Variants in RBMS3 observed in about 807,000 individuals in gnomAD.
The protein encoded by RBMS3 is RNA-binding motif, single-stranded-interacting protein 3.
In RBMS3, 27 loss-of-function variants were observed where a neutral mutation model predicts 66.8. The observed-to-expected ratio is 0.40, with a 90% CI of 0.30 to 0.56. The LOEUF is 0.56. Among genes scored for constraint, RBMS3 ranks in the 20% least tolerant of loss-of-function variants. RBMS3 has a pLI of 0.40. For synonymous variants in RBMS3, 188 were observed against 183.0 expected (o/e 1.03, Z -0.22); for missense variants, 513 against 549.5 (o/e 0.93, Z 0.66).
chr3:29,657,525 C>CT (rs1481358163), intron 4 of RBMS3, among the ~76,000 whole-genome samples: 2 of 152,180 alleles, frequency 1.3e-5, no homozygotes, highest in Non-Finnish European at 2.9e-5. Context: ...CTGTGACTGT[C>CT]TGTGATTTCC....
At chr3:29,655,757 A>C (rs1456525716) in intron 4 of RBMS3, among the ~76,000 whole-genome samples, 5 of 152,198 alleles carry the variant, frequency 3.3e-5, no homozygotes, top group Non-Finnish European at 7.3e-5. Flanking sequence ...AACCTCAGGC[A>C]GGTCCTTCAT....
chr3:29,739,848 T>C lies in RBMS3; in HGVS notation c.528T>C (p.Asn176=), dbSNP rs2054557286. ...VISTRILRDA[N]GVSRGVGFAR... ...CCACAAGAATACTAAGAGACGCTAA[T>C]GGAGTCAGCAGAGGTGTTGGCTTTG... The change falls in exon 5 of 15, where the codon AAT becomes AAC. Residue 176 remains asparagine (N), a synonymous_variant. Transcript: ENST00000383767. The C allele has an allele frequency of 6.2e-7, 1 of 1,610,224 alleles. No individual in the cohort carries two copies. The highest frequency in any genetic ancestry group is 1.1e-5 in the South Asian group (1 of 90,298).
At chr3:29,654,704 C>G (rs1336753900) in intron 4 of RBMS3, among the ~76,000 whole-genome samples, 2 of 151,644 alleles carry the variant, frequency 1.3e-5, no homozygotes, top group Non-Finnish European at 2.9e-5. Flanking sequence ...GATTCTCTCA[C>G]CTCAGCCACT....
At chr3:29,842,407 T>C (rs1257110786) in intron 6 of RBMS3, among the ~76,000 whole-genome samples, 1 of 152,120 alleles carries the variant, frequency 6.6e-6, no homozygotes, top group African/African-American at 2.4e-5. Flanking sequence ...ATGTAACTAA[T>C]TTGAGCTCAC....
intron 1 of RBMS3, among the ~76,000 whole-genome samples, chr3:29,359,558 C>T (rs183418909): frequency 1.3e-5 from 2 of 152,254 alleles, no homozygotes; most frequent in Admixed American, 1.3e-4. Flanking sequence ...ATGCTGGCCT[C>T]ATAAAGTGAG....
At chr3:29,610,553 A>T (rs1319127944) in intron 4 of RBMS3, among the ~76,000 whole-genome samples, 1 of 152,054 alleles carries the variant, frequency 6.6e-6, no homozygotes, top group Non-Finnish European at 1.5e-5. Flanking sequence ...AGCCTGTCAA[A>T]GGCCTTAAAG....
chr3:29,866,773 G>C (rs2059373613), intron 6 of RBMS3, among the ~76,000 whole-genome samples: 1 of 152,124 alleles, frequency 6.6e-6, no homozygotes, highest in African/African-American at 2.4e-5. Context: ...TAACATAAAG[G>C]CAGTGACTAT....
intron 3 of RBMS3, among the ~76,000 whole-genome samples, chr3:29,497,929 A>C (rs546805387): frequency 7.4e-4 from 111 of 149,054 alleles, no homozygotes; most frequent in Non-Finnish European, 1.1e-3. Flanking sequence ...TACCAAAGAC[A>C]TACAGATGCA....
intron 3 of RBMS3, among the ~76,000 whole-genome samples, chr3:29,532,531 C>T (rs2045405839): frequency 6.6e-6 from 1 of 151,644 alleles, no homozygotes; most frequent in African/African-American, 2.4e-5. Context: ...CAAGACCAGC[C>T]TGCAAAACAT....
At chr3:29,463,832 A>G (rs772658192) in intron 2 of RBMS3, among the ~76,000 whole-genome samples, 1 of 152,136 alleles carries the variant, frequency 6.6e-6, no homozygotes. Context: ...ATACTACATT[A>G]AACTATCTTG....
chr3:29,707,361 T>C (rs1224974110), intron 4 of RBMS3, among the ~76,000 whole-genome samples: 2 of 152,246 alleles, frequency 1.3e-5, no homozygotes, highest in Non-Finnish European at 2.9e-5. Flanking sequence ...ACATTCATCG[T>C]TATAGCTAGA....
chr3:29,948,465 T>G (rs1274365137), intron 12 of RBMS3, among the ~76,000 whole-genome samples: 2 of 151,782 alleles, frequency 1.3e-5, no homozygotes, highest in African/African-American at 2.4e-5. Context: ...AGGCAGAGTA[T>G]TTTAGCTGCT....
chr3:29,361,969 T>C (rs113012889), intron 1 of RBMS3, among the ~76,000 whole-genome samples: 3 of 152,218 alleles, frequency 2.0e-5, no homozygotes, highest in African/African-American at 7.2e-5. Context: ...TTCAAGGTTT[T>C]TAACTTCTTT....
intron 4 of RBMS3, among the ~76,000 whole-genome samples, chr3:29,701,949 A>C (rs192157114): frequency 6.6e-6 from 1 of 152,140 alleles, no homozygotes; most frequent in Non-Finnish European, 1.5e-5. Flanking sequence ...ACTGGTGGGC[A>C]GCTCTGCCCG....
At chr3:29,314,316 A>G (rs1380487805) in intron 1 of RBMS3, among the ~76,000 whole-genome samples, 2 of 151,654 alleles carry the variant, frequency 1.3e-5, no homozygotes, top group Non-Finnish European at 2.9e-5. Context: ...ATACCTTCTC[A>G]TGTATTATGG....
At chr3:29,734,727 C>T (rs1028596874) in intron 4 of RBMS3, among the ~76,000 whole-genome samples, 11 of 152,010 alleles carry the variant, frequency 7.2e-5, no homozygotes, top group Non-Finnish European at 1.0e-4. Context: ...ATTGAGAGAA[C>T]GCATTTAAAA....
At chr3:29,665,506 CCAGT>C (rs1290345446) in intron 4 of RBMS3, among the ~76,000 whole-genome samples, 7 of 152,166 alleles carry the variant, frequency 4.6e-5, no homozygotes, top group South Asian at 2.1e-4. Flanking sequence ...TTTTCTCCTC[CCAGT>C]CAAACTAGTT....
intron 3 of RBMS3, among the ~76,000 whole-genome samples, chr3:29,513,727 G>A (rs2044504632): frequency 6.6e-6 from 1 of 151,966 alleles, no homozygotes. Flanking sequence ...TTGTCTTTGC[G>A]AGACACCACA....
Position 30,008,018 on chromosome 3 carries a change from C to T in RBMS3, c.*4156C>T, listed in dbSNP as rs1314235011. 6.6e-6 allele frequency: 1 copy of T among 151,944 alleles called. No individual in the cohort carries two copies. Among genetic ancestry groups the T allele is most frequent in the Non-Finnish European group, 1.5e-5 (1 of 67,952 alleles). The allele number at this position is 151,944 out of a possible 1,614,324, so 9.4% of individuals were successfully genotyped here. On this transcript the variant is annotated 3_prime_UTR_variant, in exon 15 of 15. Coordinates refer to ENST00000383767, the MANE Select transcript of RBMS3 (RefSeq NM_001003793.3). Reference sequence around the variant, plus strand: ...ATGCCTAAAAATACATCTTTGGACCCCTTGCAAAGTGCTTTAAAAGTACTT... The same window carrying T: ...ATGCCTAAAAATACATCTTTGGACCTCTTGCAAAGTGCTTTAAAAGTACTT...
Sources: gnomAD v4.1 joint callset for allele counts (sites outside exome capture counted in the v4.1 genomes callset) on GRCh38, gnomAD v4.1.1 for gene constraint, MANE v1.5 for transcripts, NCBI Gene and HGNC (gene_info 2026-07-23, HGNC 2026-07-21) for gene names.